AKAP17A: variants seen among roughly 807,000 people sequenced by gnomAD.
AKAP17A encodes the protein A-kinase anchoring protein 17A, also known as A-kinase anchor protein 17A.
Under a neutral mutation model 52.2 loss-of-function variants are expected in AKAP17A, and 15 were observed. That is an observed-to-expected ratio of 0.29 (90% CI 0.19 to 0.44). The LOEUF (loss-of-function observed/expected upper bound fraction) is 0.44. Among genes scored for constraint, AKAP17A ranks in the 20% least tolerant of loss-of-function variants. AKAP17A has a pLI of 1.00. For missense variants in AKAP17A, 1,060 were observed against 1,007.0 expected (o/e 1.05, Z -0.71); for synonymous variants, 514 against 424.7 (o/e 1.21, Z -2.58).
At chrX:1,597,532 G>A (rs746753302) in intron 3 of AKAP17A, among the ~76,000 whole-genome samples, 1 of 152,206 alleles carries the variant, frequency 6.6e-6, no homozygotes, top group South Asian at 2.1e-4. Flanking sequence ...AGGACAGCTG[G>A]GGTGGGAGAC....
At position 1,600,986 on chromosome X, in the gene AKAP17A, G is replaced by C. The variant is rs765182510; in HGVS notation, c.1480G>C (p.Gly494Arg). ...LHPLGGQPPA[G>R]APKESPAHPE... ...CCCCCTCGGGGGCCAGCCCCCGGCC[G>C]GTGCCCCCAAGGAGAGCCCGGCCCA... The change falls in exon 5 of 5, where the codon GGT (glycine) becomes CGT (arginine). Residue 494 changes from glycine to arginine, a missense_variant. Around this residue, in one of 2 missense-constraint regions of AKAP17A, gnomAD observed 793 missense variants for 629.9 expected, o/e 1.26. Transcript: ENST00000313871. 4 of 1,599,068 alleles carry C rather than the reference G, an allele frequency of 2.5e-6. No homozygotes were observed. Among genetic ancestry groups the C allele is most frequent in the Non-Finnish European group, 3.4e-6 (4 of 1,174,208 alleles).
intron 3 of AKAP17A, among the ~76,000 whole-genome samples, chrX:1,597,425 C>A (rs1185699060): frequency 2.6e-5 from 4 of 152,138 alleles, no homozygotes; most frequent in African/African-American, 9.7e-5. Context: ...GAGGGACATG[C>A]TGCTGCGTCG....
At chrX:1,592,521 G>A (rs747017699) in intron 1 of AKAP17A, among the ~76,000 whole-genome samples, 2 of 152,132 alleles carry the variant, frequency 1.3e-5, no homozygotes, top group Admixed American at 1.3e-4. Flanking sequence ...GTCCAGACTG[G>A]AGCCCCTCCC....
chrX:1,600,344 C>T (rs1374899473), intron 4 of AKAP17A: 37 of 661,376 alleles, frequency 5.6e-5, no homozygotes, highest in African/African-American at 9.0e-5. Context: ...CTGTGTGCAA[C>T]GTGGTGGGGC....
chrX:1,595,239 ACCGGACATGAG>A, intron 2 of AKAP17A, 134 bp from the exon 3 acceptor site: 1 of 188,728 alleles, frequency 5.3e-6, no homozygotes, highest in Admixed American at 8.2e-5. Context: ...CTGGGTCTGC[ACCGGACATGAG>A]TGGTGAGCGG....
In AKAP17A at chrX:1,601,139, G is replaced by A. The variant is rs375309791; in HGVS notation, c.1633G>A (p.Gly545Ser). Reference protein sequence around the residue: ...DGSPEKRCPGGVLSCIPDNNQ... With the variant: ...DGSPEKRCPGSVLSCIPDNNQ... ...CTCTCCAGAGAAGAGGTGCCCGGGC[G>A]GCGTCCTCTCCTGCATTCCTGACAA... is the stretch of plus-strand genomic sequence containing the variant. Residue 545 changes from glycine to serine, a missense_variant, in exon 5 of 5, where the codon GGC (glycine) becomes AGC (serine). Coordinates refer to ENST00000313871, the MANE Select transcript of AKAP17A (RefSeq NM_005088.3). The A allele has an allele frequency of 1.8e-5, 29 of 1,613,664 alleles. No individual in the cohort carries two copies. The Admixed American group carries it at 2.3e-4, about 13-fold the overall frequency.
chrX:1,596,633 C>T (rs112072876), intron 3 of AKAP17A, among the ~76,000 whole-genome samples: 29 of 70,100 alleles, frequency 4.1e-4, no homozygotes, highest in East Asian at 3.2e-3. Flanking sequence ...TCCTCCTCCT[C>T]CTCCATCCCT....
intron 3 of AKAP17A, among the ~76,000 whole-genome samples, chrX:1,598,122 G>A (rs1226801085): frequency 3.3e-5 from 5 of 152,212 alleles, no homozygotes; most frequent in East Asian, 3.9e-4. Flanking sequence ...TCGAGGCGTC[G>A]CTGTGGGTCC....
At chrX:1,595,679 C>A in intron 3 of AKAP17A, 147 bp downstream of exon 3, 1 of 1,276,920 alleles carries the variant, frequency 7.8e-7, no homozygotes, top group Non-Finnish European at 1.1e-6. Flanking sequence ...TGTGCATGGA[C>A]GCACGTGTGC....
chrX:1,593,405 G>T, intron 1 of AKAP17A, 39 bp from the exon 2 acceptor site: 1 of 1,560,890 alleles, frequency 6.4e-7, no homozygotes, highest in Non-Finnish European at 8.7e-7. Context: ...GGGGGAGGTG[G>T]GGGGTGCTGG....
At chrX:1,599,157 G>A (rs369155563) in intron 3 of AKAP17A, 35 bp from the exon 4 acceptor site, 216 of 1,603,310 alleles carry the variant, frequency 1.3e-4, no homozygotes, top group East Asian at 1.8e-4. Context: ...TGGCTGCGGC[G>A]CTCTCTGTGA....
At chrX:1,595,076 C>G (rs1932916947) in intron 2 of AKAP17A, among the ~76,000 whole-genome samples, 1 of 152,226 alleles carries the variant, frequency 6.6e-6, no homozygotes, top group South Asian at 2.1e-4. Flanking sequence ...GGAAGGGGAG[C>G]TGTGTCTCGC....
At chrX:1,600,017 G>C in intron 4 of AKAP17A, 1 of 553,502 alleles carries the variant, frequency 1.8e-6, no homozygotes, top group Non-Finnish European at 3.2e-6. Context: ...CGGGGCCAGG[G>C]CCCACAGACA....
intron 4 of AKAP17A, chrX:1,600,434 C>T (rs764696589): frequency 1.6e-6 from 1 of 636,724 alleles, no homozygotes; most frequent in Non-Finnish European, 2.7e-6. Context: ...TTCCTTCTCA[C>T]TCAGACGCAT....
Position 1,601,128 on chromosome X carries a change from G to C in AKAP17A, c.1622G>C (p.Arg541Thr). 6.2e-7 allele frequency: 1 copy of C among 1,613,900 alleles called. No individual in the cohort carries two copies. The highest frequency in any genetic ancestry group is 8.5e-7 in the Non-Finnish European group (1 of 1,179,828). ...VVPEDGSPEK[R>T]CPGGVLSCIP... ...CCCGAGGATGGCTCTCCAGAGAAGA[G>C]GTGCCCGGGCGGCGTCCTCTCCTGC... Residue 541 changes from arginine (R) to threonine (T), a missense_variant, in exon 5 of 5, where the codon AGG becomes ACG. Arg to Thr is a moderately conservative substitution (Grantham distance 71). Transcript: ENST00000313871.
At position 1,598,346 on chromosome X, in the gene AKAP17A, G is replaced by C. The variant is rs190094432; in HGVS notation, c.912-846G>C. On this transcript the variant is annotated intron_variant, in intron 3 of 4. Transcript: ENST00000313871. Reference sequence around the variant, plus strand: ...AGAGCGTGGGATGCCTTTTCTCCCGGCCTGCTCCTCCTTGTCCCCGTGTCT... The same window carrying C: ...AGAGCGTGGGATGCCTTTTCTCCCGCCCTGCTCCTCCTTGTCCCCGTGTCT... Among the ~76,000 whole-genome samples the C allele has an allele frequency of 1.9e-4, 29 of 152,248 alleles. No homozygotes were observed. In the Middle Eastern group the frequency reaches 0.01, roughly 54 times the overall value.
At chrX:1,596,234 A>AC (rs1421783989) in intron 3 of AKAP17A, among the ~76,000 whole-genome samples, 4 of 150,246 alleles carry the variant, frequency 2.7e-5, no homozygotes, top group Admixed American at 6.6e-5. Flanking sequence ...TTTAAAAAAA[A>AC]AAAAAAAAAC....
Position 1,600,734 on chromosome X carries a change from C to A in AKAP17A, c.1228C>A (p.Gln410Lys). The A allele has an allele frequency of 6.5e-7, 1 of 1,548,562 alleles. No individual in the cohort carries two copies. ...LQQQEERRRL[Q>K]EAELRRVEEE... is the part of the protein sequence containing the mutation. ...GCAGCAGGAGGAGCGGCGGCGGCTG[C>A]AGGAGGCCGAGCTGCGGCGCGTGGA... The change falls in exon 5 of 5, where the codon CAG becomes AAG. Residue 410 changes from glutamine to lysine, a missense_variant. By Grantham distance (53) the Gln-to-Lys change is moderately conservative (BLOSUM62 1). Coordinates refer to ENST00000313871, the MANE Select transcript of AKAP17A (RefSeq NM_005088.3).
At position 1,593,940 on chromosome X, in the gene AKAP17A, G is replaced by A. The variant is rs368659501; in HGVS notation, c.478G>A (p.Ala160Thr). ...HLEGLPCKWFALKESGSEKPS... is the reference protein window; with the variant it reads ...HLEGLPCKWFTLKESGSEKPS... ...GGAGGGGCTGCCCTGCAAGTGGTTC[G>A]CCCTGAAGGAGTCGGGCTCCGAGAA... Residue 160 changes from alanine (A) to threonine (T), a missense_variant, in exon 2 of 5, where the codon GCC (alanine) becomes ACC (threonine). By Grantham distance (58) the Ala-to-Thr change is moderately conservative. This residue lies in a region of AKAP17A where 267 missense variants were observed against 377.1 expected (regional missense o/e 0.71). Coordinates refer to ENST00000313871, the MANE Select transcript of AKAP17A (RefSeq NM_005088.3). 8.7e-6 allele frequency: 14 copies of A among 1,608,076 alleles called. No individual in the cohort carries two copies. The highest frequency in any genetic ancestry group is 1.7e-4 in the Middle Eastern group (1 of 6,048).
Sources: allele counts gnomAD v4.1 joint callset (sites outside exome capture counted in the v4.1 genomes callset), GRCh38; gene constraint gnomAD v4.1.1; regional missense constraint gnomAD v4.1.1; transcripts MANE v1.5; gene names NCBI Gene and HGNC (gene_info 2026-07-23, HGNC 2026-07-21).